Variants in ATP8A1 observed in about 807,000 individuals in gnomAD.
ATP8A1 encodes the protein ATPase phospholipid transporting 8A1.
ATP8A1 carries 90 observed loss-of-function variants against 177.7 expected under a neutral mutation model. The ratio of observed to expected loss-of-function variants is 0.51; its 90% CI spans 0.43 to 0.60. The LOEUF (loss-of-function observed/expected upper bound fraction) is 0.60, where lower values mean the gene tolerates loss of function less well. Ranked by LOEUF, ATP8A1 falls within the 20% of genes least tolerant of loss-of-function variation. The pLI is 0.00. For missense variants in ATP8A1, 1,072 were observed against 1,392.8 expected, an observed-to-expected ratio of 0.77 and a Z score of 3.67; for synonymous variants, 493 against 485.9, an observed-to-expected ratio of 1.01 and a Z score of -0.19.
intron 33 of ATP8A1, among the ~76,000 whole-genome samples, chr4:42,424,010 T>C (rs1714296872): frequency 1.3e-5 from 2 of 152,136 alleles, no homozygotes; most frequent in Non-Finnish European, 2.9e-5. Flanking sequence ...TATTAAAAAT[T>C]ATCCAGATAA....
chr4:42,615,986 A>G, intron 5 of ATP8A1, 47 bp downstream of exon 5: 1 of 1,536,988 alleles, frequency 6.5e-7, no homozygotes, highest in Non-Finnish European at 9.0e-7. Flanking sequence ...TGTATATACT[A>G]CAAGTAGGTT....
chr4:42,613,566 A>ATT (rs111595720), intron 5 of ATP8A1, among the ~76,000 whole-genome samples: 11 of 151,376 alleles, frequency 7.3e-5, no homozygotes, highest in Non-Finnish European at 1.3e-4. Flanking sequence ...TTAAACTTGT[A>ATT]TTTTTTTTTA....
intron 15 of ATP8A1, among the ~76,000 whole-genome samples, chr4:42,565,072 T>C (rs1731221040): frequency 6.6e-6 from 1 of 152,190 alleles, no homozygotes; most frequent in Admixed American, 6.5e-5. Flanking sequence ...CCTTGCCTTC[T>C]GCCATGATTG....
At chr4:42,649,026 C>A (rs927542563) in intron 1 of ATP8A1, among the ~76,000 whole-genome samples, 5 of 152,244 alleles carry the variant, frequency 3.3e-5, no homozygotes, top group African/African-American at 7.2e-5. Context: ...AAGATATATA[C>A]TTTTGACCCA....
chr4:42,634,751 A>T (rs761022662), intron 1 of ATP8A1, among the ~76,000 whole-genome samples: 1 of 152,188 alleles, frequency 6.6e-6, no homozygotes, highest in Non-Finnish European at 1.5e-5. Context: ...AATTCTAGCT[A>T]TTATTTTTAT....
intron 24 of ATP8A1, among the ~76,000 whole-genome samples, chr4:42,498,167 T>C (rs1318762802): frequency 6.6e-6 from 1 of 152,202 alleles, no homozygotes; most frequent in African/African-American, 2.4e-5. Flanking sequence ...AAACAAAACC[T>C]GAAGTAGCCC....
At chr4:42,482,216 C>T (rs1389369266) in intron 25 of ATP8A1, among the ~76,000 whole-genome samples, 2 of 151,474 alleles carry the variant, frequency 1.3e-5, no homozygotes, top group East Asian at 1.9e-4. Flanking sequence ...GCACAAGAAT[C>T]GCTTGAACCC....
chr4:42,527,156 T>A (rs1363188034), intron 20 of ATP8A1, among the ~76,000 whole-genome samples: 1 of 152,208 alleles, frequency 6.6e-6, no homozygotes, highest in Non-Finnish European at 1.5e-5. Flanking sequence ...GAGTCTCAAA[T>A]CTGCTAAGAC....
At chr4:42,494,673 A>C (rs564094511) in intron 24 of ATP8A1, among the ~76,000 whole-genome samples, 3 of 152,326 alleles carry the variant, frequency 2.0e-5, no homozygotes, top group Admixed American at 1.3e-4. Context: ...TATTTATATA[A>C]CTAACCACTG....
intron 20 of ATP8A1, among the ~76,000 whole-genome samples, chr4:42,536,328 A>C (rs1727824716): frequency 6.6e-6 from 1 of 152,202 alleles, no homozygotes; most frequent in African/African-American, 2.4e-5. Context: ...TACTGTGAAC[A>C]CCTCTATGTG....
chr4:42,524,777 T>G lies in ATP8A1; in HGVS notation c.1793A>C (p.Gln598Pro). Residue 598 changes from glutamine (Q) to proline (P), a missense_variant, in exon 21 of 37, where the codon CAG becomes CCG. Physicochemically the swap from Gln to Pro is moderately conservative, Grantham distance 76. Transcript: ENST00000381668. ...YKEITLKHLE[Q>P]FATEGLRTLC... ...ATTACACTTACCTTCTGTAGCAAAC[T>G]GCTCTAAATGTTTTAGGGTAATTTC... is the stretch of plus-strand genomic sequence containing the variant. The G allele has an allele frequency of 1.2e-6, 2 of 1,605,820 alleles. No individual in the cohort carries two copies. Among genetic ancestry groups the G allele is most frequent in the Non-Finnish European group, 1.7e-6 (2 of 1,175,638 alleles).
intron 29 of ATP8A1, among the ~76,000 whole-genome samples, chr4:42,452,370 C>T (rs1718022843): frequency 1.3e-5 from 2 of 152,026 alleles, no homozygotes; most frequent in Non-Finnish European, 2.9e-5. Context: ...TCTGAAATTC[C>T]TTAAGTGGGA....
chr4:42,484,125 C>T (rs1232662833), intron 25 of ATP8A1, among the ~76,000 whole-genome samples: 1 of 152,176 alleles, frequency 6.6e-6, no homozygotes, highest in Non-Finnish European at 1.5e-5. Context: ...CAAAGTTGAA[C>T]ATTAGTCACA....
At chr4:42,444,328 T>C (rs1159253653) in intron 32 of ATP8A1, among the ~76,000 whole-genome samples, 2 of 152,176 alleles carry the variant, frequency 1.3e-5, no homozygotes, top group African/African-American at 4.8e-5. Flanking sequence ...ACTCATAATA[T>C]ATGACAATAC....
At position 42,587,765 on chromosome 4, in the gene ATP8A1, C is replaced by T. The variant is rs185372506; in HGVS notation, c.594+495G>A. Among the ~76,000 whole-genome samples, 500 of 152,002 alleles carry T rather than the reference C, an allele frequency of 3.3e-3. 2 individuals are homozygous for T. Among genetic ancestry groups the T allele is most frequent in the African/African-American group, 0.012 (478 of 41,450 alleles). On this transcript the variant is annotated intron_variant, in intron 8 of 36. Coordinates refer to ENST00000381668, the MANE Select transcript of ATP8A1 (RefSeq NM_006095.2). ...GGTACTACAGGCGCCCGCCACCATGCCCGGCTAATTTTTTGTACTTTTTTA... is the reference window on the plus strand; with the variant it reads ...GGTACTACAGGCGCCCGCCACCATGTCCGGCTAATTTTTTGTACTTTTTTA...
chr4:42,457,172 C>G (rs1560345178), intron 27 of ATP8A1, among the ~76,000 whole-genome samples: 1 of 152,114 alleles, frequency 6.6e-6, no homozygotes, highest in Non-Finnish European at 1.5e-5. Context: ...ATAATTTGCC[C>G]TAAACAAACA....
At position 42,566,392 on chromosome 4, in the gene ATP8A1, T is replaced by C. The variant is rs1731350534; in HGVS notation, c.1340+2769A>G. 2.0e-5 allele frequency among the ~76,000 whole-genome samples: 3 copies of C among 152,306 alleles called. No homozygotes were observed. The South Asian group carries it at 6.2e-4, about 32-fold the overall frequency. ...TTATAGAGTCATCTATACTCTTTAC[T>C]CCTGAAGATCAGCATGAAGATGCAG... On this transcript the variant is annotated intron_variant, in intron 15 of 36. Coordinates refer to ENST00000381668, the MANE Select transcript of ATP8A1 (RefSeq NM_006095.2).
chr4:42,477,722 T>C (rs1412302271), intron 25 of ATP8A1, among the ~76,000 whole-genome samples: 1 of 150,318 alleles, frequency 6.7e-6, no homozygotes, highest in Admixed American at 6.7e-5. Context: ...CTGTAATCAC[T>C]GCACTTTGGG....
At chr4:42,499,135 A>G (rs1173597248) in intron 24 of ATP8A1, among the ~76,000 whole-genome samples, 1 of 152,218 alleles carries the variant, frequency 6.6e-6, no homozygotes, top group African/African-American at 2.4e-5. Context: ...GAAGGTGAAC[A>G]TCAACAACAG....
Sources: gnomAD v4.1 joint callset for allele counts (sites outside exome capture counted in the v4.1 genomes callset) on GRCh38, gnomAD v4.1.1 for gene constraint, MANE v1.5 for transcripts, NCBI Gene and HGNC (gene_info 2026-07-23, HGNC 2026-07-21) for gene names.